The following CGGBP1 variants were observed in gnomAD, a reference collection of about 807,000 sequenced individuals.
CGGBP1 encodes the protein CGG triplet repeat binding protein 1, also known as CGG triplet repeat-binding protein 1.
In CGGBP1, 4 loss-of-function variants were observed where a neutral mutation model predicts 11.4. The ratio of observed to expected loss-of-function variants is 0.35; its 90% CI spans 0.17 to 0.80. The LOEUF (loss-of-function observed/expected upper bound fraction) is 0.80, where lower values mean the gene tolerates loss of function less well. CGGBP1 is among the 30% of genes least tolerant of loss of function. The probability of loss-of-function intolerance (pLI) is 0.52; values close to 1 mark genes in which losing one functional copy is unlikely to be tolerated. For synonymous variants in CGGBP1, 76 were observed against 74.1 expected (o/e 1.03, Z -0.13); for missense variants, 135 against 202.1 (o/e 0.67, Z 2.01).
chr3:88,057,310 G>A lies in CGGBP1; in HGVS notation c.-125-18C>T, dbSNP rs1237563367. On this transcript the variant is annotated intron_variant, in intron 2 of 3. Transcript: ENST00000482016. ...CAGAAATTCTGAAAAGTACGATAAA[G>A]TCTAGGTTTTAATAAATTTTATTTT... The A allele has an allele frequency of 2.7e-5, 4 of 149,646 alleles. No homozygotes were observed. Among genetic ancestry groups the A allele is most frequent in the African/African-American group, 4.9e-5 (2 of 40,756 alleles). 9.3% of individuals were successfully genotyped at this position (149,646 alleles called of 1,614,324 possible).
upstream of CGGBP1, chr3:88,059,200 C>T: frequency 6.9e-7 from 1 of 1,450,226 alleles, no homozygotes. Flanking sequence ...CCGAGAGGCC[C>T]CTGTCCGGCT....
intron 2 of CGGBP1, among the ~76,000 whole-genome samples, chr3:88,075,469 C>A (rs1169270480): frequency 6.6e-6 from 1 of 152,158 alleles, no homozygotes; most frequent in African/African-American, 2.4e-5. Context: ...AACCATGGAA[C>A]AGGTACCTAA....
intron 1 of CGGBP1, chr3:88,143,617 A>G (rs936033610): frequency 6.6e-6 from 1 of 152,310 alleles, no homozygotes; most frequent in African/African-American, 2.4e-5. Context: ...ATATAAATCC[A>G]TGCCCACAAA....
At chr3:88,081,417 T>C (rs1484165763) in intron 2 of CGGBP1, among the ~76,000 whole-genome samples, 1 of 152,176 alleles carries the variant, frequency 6.6e-6, no homozygotes, top group East Asian at 1.9e-4. Context: ...TTTCACTCAC[T>C]ATTAGCATCG....
intron 2 of CGGBP1, among the ~76,000 whole-genome samples, chr3:88,115,849 C>T (rs1705357733): frequency 1.3e-5 from 2 of 151,862 alleles, no homozygotes; most frequent in Non-Finnish European, 1.5e-5. Flanking sequence ...AATGAAGTGA[C>T]AAAAATAATG....
At chr3:88,098,207 A>G (rs1403728362) in intron 2 of CGGBP1, among the ~76,000 whole-genome samples, 1 of 152,232 alleles carries the variant, frequency 6.6e-6, no homozygotes, top group Non-Finnish European at 1.5e-5. Flanking sequence ...AAACACCTCT[A>G]CACAAATAAA....
chr3:88,080,872 A>G (rs188475565), intron 2 of CGGBP1, among the ~76,000 whole-genome samples: 3 of 152,358 alleles, frequency 2.0e-5, no homozygotes, highest in Non-Finnish European at 4.4e-5. Flanking sequence ...AGAATGCAGT[A>G]CAGCTATCAA....
At chr3:88,135,002 T>C (rs1706687187) in intron 2 of CGGBP1, 2 of 1,185,248 alleles carry the variant, frequency 1.7e-6, no homozygotes, top group Non-Finnish European at 1.1e-6. Flanking sequence ...GAAAGATAGC[T>C]AATGTCTGTA....
intron 2 of CGGBP1, among the ~76,000 whole-genome samples, chr3:88,121,167 A>G (rs1422862728): frequency 9.2e-5 from 14 of 152,154 alleles, no homozygotes; most frequent in Non-Finnish European, 2.1e-4. Context: ...CTGAATCATG[A>G]TGCTCAGTTT....
At chr3:88,058,292 C>G (rs1706621134) in intron 1 of CGGBP1, 69 bp from the exon 2 acceptor site, 1 of 152,318 alleles carries the variant, frequency 6.6e-6, no homozygotes, top group South Asian at 2.1e-4. Context: ...AAAAGATGAA[C>G]AAGAACGTCA....
intron 2 of CGGBP1, among the ~76,000 whole-genome samples, chr3:88,134,119 G>C (rs1706625775): frequency 6.6e-6 from 1 of 151,500 alleles, no homozygotes; most frequent in South Asian, 2.1e-4. Context: ...AAAAAAAGGT[G>C]GGGGGTAGTG....
At chr3:88,072,158 T>C (rs1316857909) in intron 2 of CGGBP1, among the ~76,000 whole-genome samples, 2 of 152,232 alleles carry the variant, frequency 1.3e-5, no homozygotes, top group Non-Finnish European at 2.9e-5. Context: ...CCATCCTTGC[T>C]CTAAAGGAAC....
intron 2 of CGGBP1, among the ~76,000 whole-genome samples, chr3:88,085,297 T>G (rs1225513370): frequency 7.2e-5 from 11 of 152,236 alleles, no homozygotes; most frequent in Non-Finnish European, 1.2e-4. Flanking sequence ...ACTACTGAAC[T>G]CAGTTGTTGT....
intron 2 of CGGBP1, among the ~76,000 whole-genome samples, chr3:88,101,339 T>A (rs1477160266): frequency 1.3e-5 from 2 of 152,180 alleles, no homozygotes; most frequent in Non-Finnish European, 2.9e-5. Context: ...ATAGAGTTGC[T>A]ATTTCTAGAC....
At chr3:88,139,543 C>G (rs1490025095) in intron 2 of CGGBP1, 2 of 1,613,378 alleles carry the variant, frequency 1.2e-6, no homozygotes, top group East Asian at 4.5e-5. Flanking sequence ...TCTAGTTCTT[C>G]CATTTCATTT....
rs539354501 is a variant in CGGBP1, at chr3:88,149,835, G to A, written c.-462C>T. ...AGCACTTCCCTTAATTGAGATACGT[G>A]GGACTTCACTCCGTCCCCAGCCCGG... On this transcript the variant is annotated 5_prime_UTR_variant, in exon 1 of 4. Transcript: ENST00000462901. 1.4e-4 allele frequency: 80 copies of A among 573,800 alleles called. No individual in the cohort carries two copies. In the South Asian group the frequency reaches 1.5e-3, roughly 11 times the overall value. 35.5% of individuals were successfully genotyped at this position (573,800 alleles called of 1,614,324 possible).
chr3:88,139,140 G>C, intron 2 of CGGBP1: 1 of 1,308,364 alleles, frequency 7.6e-7, no homozygotes, highest in Non-Finnish European at 9.7e-7. Flanking sequence ...AAGGACGGAG[G>C]AACAGCAAGG....
intron 2 of CGGBP1, chr3:88,095,916 T>C (rs181643092): frequency 7.4e-6 from 3 of 405,434 alleles, no homozygotes; most frequent in Non-Finnish European, 1.4e-5. Context: ...CTCCACAGTC[T>C]ACTCCTCTTC....
chr3:88,060,398 C>T (rs540356666), upstream of CGGBP1, among the ~76,000 whole-genome samples: 1 of 152,134 alleles, frequency 6.6e-6, no homozygotes, highest in Admixed American at 6.5e-5. Flanking sequence ...AGTTTGTGTA[C>T]TCTGCATTCT....
Sources: gnomAD v4.1 joint callset for allele counts (sites outside exome capture counted in the v4.1 genomes callset) on GRCh38, gnomAD v4.1.1 for gene constraint, MANE v1.5 for transcripts, NCBI Gene and HGNC (gene_info 2026-07-23, HGNC 2026-07-21) for gene names.